The following ADCYAP1R1 variants were observed in gnomAD, a reference collection of about 807,000 sequenced individuals.
ADCYAP1R1 encodes pituitary adenylate cyclase-activating polypeptide type I receptor.
Under a neutral mutation model 67.6 loss-of-function variants are expected in ADCYAP1R1, and 44 were observed. That is an observed-to-expected ratio of 0.65 (90% CI 0.51 to 0.84). ADCYAP1R1 has a LOEUF of 0.84. ADCYAP1R1 is among the 40% of genes least tolerant of loss of function. The probability of loss-of-function intolerance (pLI) is 0.00; values close to 1 mark genes in which losing one functional copy is unlikely to be tolerated. For synonymous variants in ADCYAP1R1, 222 were observed against 219.6 expected (o/e 1.01, Z -0.10); for missense variants, 477 against 587.9 (o/e 0.81, Z 1.95).
chr7:31,064,562 C>T (rs57593136), intron 2 of ADCYAP1R1, among the ~76,000 whole-genome samples: 19,462 of 152,156 alleles, frequency 0.13, 1,403 homozygotes, highest in African/African-American at 0.18. Flanking sequence ...TATGCGCTTG[C>T]TAATATTATT....
At position 31,110,919 on chromosome 7, in the gene ADCYAP1R1, T is replaced by C. The variant is rs1057108199; in HGVS notation, c.*4235T>C. The C allele has an allele frequency of 6.6e-6, 1 of 152,204 alleles. No individual in the cohort carries two copies. Among genetic ancestry groups the C allele is most frequent in the African/African-American group, 2.4e-5 (1 of 41,446 alleles). The allele number at this position is 152,204 out of a possible 1,614,324, so 9.4% of individuals were successfully genotyped here. A position where few individuals can be genotyped will look rare whatever the true frequency, so the allele number is the denominator to read the frequency against. Reference sequence around the variant, plus strand: ...TGGGATGAAGACTGCTGGAAGGGACTCCTTGCTGTTTATCTACTGCTTTGA... The same window carrying C: ...TGGGATGAAGACTGCTGGAAGGGACCCCTTGCTGTTTATCTACTGCTTTGA... On this transcript the variant is annotated 3_prime_UTR_variant, in exon 16 of 16. Coordinates refer to ENST00000304166, the MANE Select transcript of ADCYAP1R1 (RefSeq NM_001118.5).
Position 31,064,419 on chromosome 7 carries a change from AACATCTCTGTACTTAAGTTTCC to A in ADCYAP1R1, c.52-406_52-385del, listed in dbSNP as rs1243485366. Among the ~76,000 whole-genome samples, 6 of 152,316 alleles carry A rather than the reference AACATCTCTGTACTTAAGTTTCC, an allele frequency of 3.9e-5. No homozygotes were observed. The East Asian group carries it at 7.7e-4, about 20-fold the overall frequency. On this transcript the variant is annotated intron_variant, in intron 2 of 15. Transcript: ENST00000304166. ...CCATATGACTTTGAGCAAGTGACTT[AACATCTCTGTACTTAAGTTTCC>A]ACATCAGTAAAATGGAAAATGATAA...
intron 3 of ADCYAP1R1, among the ~76,000 whole-genome samples, chr7:31,071,745 T>C (rs1244774315): frequency 6.6e-6 from 1 of 152,194 alleles, no homozygotes; most frequent in Non-Finnish European, 1.5e-5. Context: ...GACTAAATAG[T>C]ATCCCTGTGC....
At chr7:31,093,516 T>C (rs1796056275) in intron 13 of ADCYAP1R1, among the ~76,000 whole-genome samples, 1 of 152,156 alleles carries the variant, frequency 6.6e-6, no homozygotes, top group Non-Finnish European at 1.5e-5. Flanking sequence ...CATCTCTGGC[T>C]GTGAATGGGA....
chr7:31,103,779 G>T (rs1336991984), intron 14 of ADCYAP1R1, among the ~76,000 whole-genome samples: 1 of 152,130 alleles, frequency 6.6e-6, no homozygotes, highest in Non-Finnish European at 1.5e-5. Flanking sequence ...CCAGTGAGCT[G>T]CACAAATGCA....
At chr7:31,100,973 C>G (rs894770219) in intron 13 of ADCYAP1R1, among the ~76,000 whole-genome samples, 13 of 152,216 alleles carry the variant, frequency 8.5e-5, no homozygotes, top group Admixed American at 8.5e-4. Flanking sequence ...GGCAGGAGGA[C>G]AGAGGCCTAG....
intron 13 of ADCYAP1R1, among the ~76,000 whole-genome samples, chr7:31,096,810 A>G (rs923595862): frequency 5.4e-5 from 8 of 149,082 alleles, no homozygotes; most frequent in Non-Finnish European, 1.2e-4. Flanking sequence ...GAGAGACCCT[A>G]TGGAGTGTGT....
intron 7 of ADCYAP1R1, among the ~76,000 whole-genome samples, 191 bp from the exon 8 acceptor site, chr7:31,084,546 G>C (rs1795657483): frequency 6.6e-6 from 1 of 152,230 alleles, no homozygotes; most frequent in Non-Finnish European, 1.5e-5. Context: ...AATGCTGACA[G>C]TGTGCAAAGG....
At chr7:31,072,233 A>C (rs1429036750) in intron 3 of ADCYAP1R1, among the ~76,000 whole-genome samples, 1 of 152,156 alleles carries the variant, frequency 6.6e-6, no homozygotes, top group African/African-American at 2.4e-5. Flanking sequence ...TCAACTTCAC[A>C]CAGTCATTCA....
In ADCYAP1R1 at chr7:31,086,910, G is replaced by T; in HGVS notation, c.824-33G>T. 1 of 1,613,050 alleles carries T rather than the reference G, an allele frequency of 6.2e-7. No homozygotes were observed. Among genetic ancestry groups the T allele is most frequent in the Non-Finnish European group, 8.5e-7 (1 of 1,178,990 alleles). On this transcript the variant is annotated intron_variant, in intron 10 of 15. Coordinates refer to ENST00000304166, the MANE Select transcript of ADCYAP1R1 (RefSeq NM_001118.5). This position sits in a 1 kb window ranked among gnomAD's most constrained non-coding sequence, Gnocchi z 5.0. The stretch of plus-strand genomic sequence containing the variant: ...GGACATTGGACATGTTGGTTTTCCT[G>T]TTCTCACGGACCTCTTTTTCTTGTT...
chr7:31,084,047 C>A, intron 6 of ADCYAP1R1, 94 bp from the exon 7 acceptor site: 1 of 1,084,948 alleles, frequency 9.2e-7, no homozygotes, highest in Non-Finnish European at 1.4e-6. Flanking sequence ...ATAGGGGTTT[C>A]CAGGAATTCC....
At chr7:31,083,981 C>A (rs1197374888) in intron 6 of ADCYAP1R1, among the ~76,000 whole-genome samples, 160 bp from the exon 7 acceptor site, 1 of 152,214 alleles carries the variant, frequency 6.6e-6, no homozygotes. Context: ...TCTCTCCATC[C>A]CTCTGATCAG....
At chr7:31,066,624 T>G (rs1794749931) in intron 3 of ADCYAP1R1, among the ~76,000 whole-genome samples, 1 of 152,216 alleles carries the variant, frequency 6.6e-6, no homozygotes, top group Non-Finnish European at 1.5e-5. Flanking sequence ...GCTGCACATC[T>G]GAATCACTGG....
At chr7:31,078,161 G>C in intron 4 of ADCYAP1R1, 63 bp downstream of exon 4, 1 of 1,405,436 alleles carries the variant, frequency 7.1e-7, no homozygotes, top group Non-Finnish European at 9.7e-7. Flanking sequence ...TTCGGCCCCA[G>C]GCAAGCACCA....
chr7:31,053,246 G>A (rs1312831956), intron 1 of ADCYAP1R1, among the ~76,000 whole-genome samples: 1 of 152,226 alleles, frequency 6.6e-6, no homozygotes, highest in African/African-American at 2.4e-5. Context: ...ATCCGGGATT[G>A]TTCAAAAGAG....
chr7:31,085,275 C>A, intron 8 of ADCYAP1R1, 35 bp from the exon 9 acceptor site: 1 of 1,601,818 alleles, frequency 6.2e-7, no homozygotes. Context: ...GCTGTGGGGT[C>A]CAAGGCTTCT....
chr7:31,091,234 A>G (rs112573741), intron 12 of ADCYAP1R1, among the ~76,000 whole-genome samples: 16,788 of 152,086 alleles, frequency 0.11, 1,761 homozygotes, highest in African/African-American at 0.28. Context: ...AGAAGTATCC[A>G]TTTATATCTT....
chr7:31,059,895 T>C (rs1165980438), intron 1 of ADCYAP1R1, among the ~76,000 whole-genome samples: 6 of 150,836 alleles, frequency 4.0e-5, no homozygotes, highest in African/African-American at 1.2e-4. Context: ...TCTCTCCTCC[T>C]CTTTGCTGGC....
intron 3 of ADCYAP1R1, among the ~76,000 whole-genome samples, chr7:31,072,331 G>A (rs773293306): frequency 6.6e-6 from 1 of 152,142 alleles, no homozygotes; most frequent in Admixed American, 6.5e-5. Context: ...AAGGCAGGCT[G>A]TGGAAGCTTA....
Sources: allele counts gnomAD v4.1 joint callset (sites outside exome capture counted in the v4.1 genomes callset), GRCh38; gene constraint gnomAD v4.1.1; non-coding constraint Gnocchi (gnomAD v3.1); transcripts MANE v1.5; gene names NCBI Gene and HGNC (gene_info 2026-07-23, HGNC 2026-07-21).